The following BRPF3 variants were observed in gnomAD, a reference collection of about 807,000 sequenced individuals.
BRPF3 encodes the protein bromodomain and PHD finger containing 3, also known as bromodomain and PHD finger-containing protein 3.
BRPF3 carries 18 observed loss-of-function variants against 102.0 expected under a neutral mutation model. That is an observed-to-expected ratio of 0.18 (90% CI 0.12 to 0.26). The LOEUF (loss-of-function observed/expected upper bound fraction) is 0.26. Ranked by LOEUF, BRPF3 falls within the 10% of genes least tolerant of loss-of-function variation. The pLI is 1.00. For synonymous variants in BRPF3, 570 were observed against 614.2 expected, an observed-to-expected ratio of 0.93 and a Z score of 1.06; for missense variants, 1,147 against 1,567.8, an observed-to-expected ratio of 0.73 and a Z score of 4.53.
At position 36,214,110 on chromosome 6, in the gene BRPF3, A is replaced by G. The variant is rs754371518; in HGVS notation, c.2713A>G (p.Asn905Asp). The part of the protein sequence containing the change: ...LQRLLSDNGI[N>D]RLSLMAPDTP... ...ACGCTTGCTCAGTGACAATGGCATC[A>G]ACAGACTATCCCTCATGGCCCCTGA... The change falls in exon 8 of 13, where the codon AAC becomes GAC. Residue 905 changes from asparagine to aspartate, a missense_variant. By Grantham distance (23) the Asn-to-Asp change is conservative. Around this residue, in one of 11 missense-constraint regions of BRPF3, gnomAD observed 379 missense variants for 426.3 expected, o/e 0.89. Transcript: ENST00000357641. The G allele has an allele frequency of 2.5e-5, 41 of 1,614,112 alleles. No homozygotes were observed. In the South Asian group the frequency reaches 4.1e-4, roughly 16 times the overall value.
At position 36,217,962 on chromosome 6, in the gene BRPF3, C is replaced by G; in HGVS notation, c.3035C>G (p.Ser1012Cys). The G allele has an allele frequency of 2.5e-6, 4 of 1,613,852 alleles. No individual in the cohort carries two copies. Among genetic ancestry groups the G allele is most frequent in the Non-Finnish European group, 2.5e-6 (3 of 1,179,906 alleles). Residue 1012 changes from serine to cysteine, a missense_variant, in exon 9 of 13, where the codon TCT (serine) becomes TGT (cysteine). Physicochemically the swap from Ser to Cys is moderately radical, Grantham distance 112. Transcript: ENST00000357641. ...AAACACACCGAAAGCGGGTCTGACT[C>G]TGAATGTAGTTTGGGTCTCAGTGGT... ...FGKHTESGSD[S>C]ECSLGLSGGL...
Position 36,211,000 on chromosome 6 carries a change from G to A in BRPF3, c.2180-258G>A, listed in dbSNP as rs1277252890. ...ACTCAGGCCAGGGTATTGCCAAGCTGCCTCATGCCTGCTCCATGGAGCCCA... is the reference window on the plus strand; with the variant it reads ...ACTCAGGCCAGGGTATTGCCAAGCTACCTCATGCCTGCTCCATGGAGCCCA... On this transcript the variant is annotated intron_variant, in intron 6 of 12. Coordinates refer to ENST00000357641, the MANE Select transcript of BRPF3 (RefSeq NM_015695.3). The surrounding 1 kb of genome is among the most constrained non-coding windows in gnomAD (Gnocchi z 4.7). Among the ~76,000 whole-genome samples, 1 of 152,240 alleles carries A rather than the reference G, an allele frequency of 6.6e-6. No individual in the cohort carries two copies. The highest frequency in any genetic ancestry group is 1.5e-5 in the Non-Finnish European group (1 of 68,042).
At position 36,209,808 on chromosome 6, in the gene BRPF3, A is replaced by T; in HGVS notation, c.1759A>T (p.Met587Leu). ...REQVKVQQAA[M>L]ELELMPFNVL... ...ACAGGTCAAAGTCCAGCAGGCTGCC[A>T]TGGAGCTGGAGCTGATGCCATTCAA... The change falls in exon 5 of 13, where the codon ATG (methionine) becomes TTG (leucine). Residue 587 changes from methionine (M) to leucine (L), a missense_variant. Transcript: ENST00000357641. The T allele has an allele frequency of 6.2e-7, 1 of 1,614,194 alleles. No homozygotes were observed. Among genetic ancestry groups the T allele is most frequent in the African/African-American group, 1.3e-5 (1 of 75,066 alleles).
At chr6:36,219,128 C>T (rs1768438124) in intron 9 of BRPF3, among the ~76,000 whole-genome samples, 1 of 152,144 alleles carries the variant, frequency 6.6e-6, no homozygotes, top group Admixed American at 6.5e-5. Context: ...CCAAGGCAGA[C>T]TGGGCATGTG....
At chr6:36,225,449 G>C in intron 11 of BRPF3, 85 bp downstream of exon 11, 3 of 1,268,152 alleles carry the variant, frequency 2.4e-6, no homozygotes, top group Non-Finnish European at 3.3e-6. Context: ...GCAGAGTGTG[G>C]TGGGAGTCAG....
At chr6:36,218,102 C>A in intron 9 of BRPF3, 92 bp downstream of exon 9, 1 of 1,075,786 alleles carries the variant, frequency 9.3e-7, no homozygotes, top group Non-Finnish European at 1.4e-6. Context: ...TCCTGCTTAC[C>A]TTTTTCTCTC....
At position 36,201,837 on chromosome 6, in the gene BRPF3, C is replaced by T; in HGVS notation, c.1448+67C>T. 6.6e-7 allele frequency: 1 copy of T among 1,521,776 alleles called. No homozygotes were observed. Among genetic ancestry groups the T allele is most frequent in the Non-Finnish European group, 8.8e-7 (1 of 1,136,968 alleles). 94.3% of individuals were successfully genotyped at this position (1,521,776 alleles called of 1,614,324 possible). On this transcript the variant is annotated intron_variant, in intron 2 of 12. Transcript: ENST00000357641. This position sits in a 1 kb window ranked among gnomAD's most constrained non-coding sequence, Gnocchi z 5.1. ...TTCTTGGGTTGGTGTTGGCCCTGTG[C>T]CAGGCCTTCGCTAAACACAGTTGGA...
intron 10 of BRPF3, among the ~76,000 whole-genome samples, chr6:36,224,076 G>A (rs1768645778): frequency 1.3e-5 from 2 of 152,276 alleles, no homozygotes; most frequent in Non-Finnish European, 2.9e-5. Context: ...AAAATTACAA[G>A]TGGAGTTAAG....
At position 36,213,907 on chromosome 6, in the gene BRPF3, C is replaced by T. The variant is rs771585055; in HGVS notation, c.2510C>T (p.Thr837Ile). ...RDDSKLPPPPTLEPTGPAPSL... is the reference protein window; with the variant it reads ...RDDSKLPPPPILEPTGPAPSL... ...GACTCCAAACTGCCTCCTCCGCCAA[C>T]CCTGGAGCCCACTGGGCCTGCACCT... Residue 837 changes from threonine (T) to isoleucine (I), a missense_variant, in exon 8 of 13, where the codon ACC becomes ATC. Physicochemically the swap from Thr to Ile is moderately conservative, Grantham distance 89 (BLOSUM62 -1). Coordinates refer to ENST00000357641, the MANE Select transcript of BRPF3 (RefSeq NM_015695.3). 10 of 1,611,292 alleles carry T rather than the reference C, an allele frequency of 6.2e-6. No homozygotes were observed. Among genetic ancestry groups the T allele is most frequent in the South Asian group, 1.1e-5 (1 of 90,922 alleles).
intron 2 of BRPF3, 67 bp from the exon 3 acceptor site, chr6:36,204,591 G>T (rs781131519): frequency 6.4e-7 from 1 of 1,574,680 alleles, no homozygotes; most frequent in Non-Finnish European, 8.7e-7. Context: ...GTCTGGATAG[G>T]ATGCACAGGC....
At position 36,232,418 on chromosome 6, in the gene BRPF3, A is replaced by G. The variant is rs905646598; in HGVS notation, c.*1809A>G. 2.0e-5 allele frequency: 3 copies of G among 152,318 alleles called. No homozygotes were observed. Among genetic ancestry groups the G allele is most frequent in the Admixed American group, 1.3e-4 (2 of 15,270 alleles). 9.4% of individuals were successfully genotyped at this position (152,318 alleles called of 1,614,324 possible). A position where few individuals can be genotyped will look rare whatever the true frequency, so the allele number is the denominator to read the frequency against. On this transcript the variant is annotated 3_prime_UTR_variant, in exon 13 of 13. Coordinates refer to ENST00000357641, the MANE Select transcript of BRPF3 (RefSeq NM_015695.3). The stretch of plus-strand genomic sequence containing the variant: ...AGATCTTGGGACTTCCTCTCTTTCT[A>G]TGTCTATCTCTTCCCCCCAACACTT...
intron 11 of BRPF3, among the ~76,000 whole-genome samples, chr6:36,226,946 G>A (rs1470947874): frequency 6.6e-6 from 1 of 152,238 alleles, no homozygotes; most frequent in Non-Finnish European, 1.5e-5. Flanking sequence ...AAGTGATTAA[G>A]CTGTGCAGGT....
chr6:36,229,648 C>T (rs1561836724), intron 12 of BRPF3, among the ~76,000 whole-genome samples: 2 of 152,196 alleles, frequency 1.3e-5, no homozygotes, highest in African/African-American at 4.8e-5. Context: ...TTATGGTTTA[C>T]AACACTTAAG....
rs777439878 is a variant in BRPF3, at chr6:36,201,728, C to T, written c.1406C>T (p.Ser469Phe). 2.5e-6 allele frequency: 4 copies of T among 1,612,942 alleles called. No individual in the cohort carries two copies. The highest frequency in any genetic ancestry group is 2.2e-5 in the East Asian group (1 of 44,888). The change falls in exon 2 of 13, where the codon TCC becomes TTC. Residue 469 changes from serine (S) to phenylalanine (F), a missense_variant. Around this residue, in one of 11 missense-constraint regions of BRPF3, gnomAD observed 157 missense variants for 163.6 expected, o/e 0.96. Transcript: ENST00000357641. This position sits in a 1 kb window ranked among gnomAD's most constrained non-coding sequence, Gnocchi z 5.1. Reference sequence around the variant, plus strand: ...GAGGAAGCAGGCCAAGACACACCCTCCACTCTCCCCATGCTTGCTGTCCCA... The same window carrying T: ...GAGGAAGCAGGCCAAGACACACCCTTCACTCTCCCCATGCTTGCTGTCCCA... ...EPEEAGQDTP[S>F]TLPMLAVPQI...
At chr6:36,223,337 CA>C (rs538927972) in intron 10 of BRPF3, among the ~76,000 whole-genome samples, 152 of 152,314 alleles carry the variant, frequency 1.0e-3, no homozygotes, top group African/African-American at 3.6e-3. Flanking sequence ...TGTCAGTTCC[CA>C]AAAGGTCAGG....
intron 10 of BRPF3, among the ~76,000 whole-genome samples, chr6:36,223,730 G>A (rs187957884): frequency 6.6e-6 from 1 of 152,214 alleles, no homozygotes; most frequent in Admixed American, 6.5e-5. Flanking sequence ...AGGCATTTGG[G>A]TTGTTTCCGG....
intron 1 of BRPF3, chr6:36,197,686 T>G (rs1767553166): frequency 6.6e-6 from 1 of 151,658 alleles, no homozygotes; most frequent in African/African-American, 2.4e-5. Context: ...GTTGGAGATA[T>G]TTTGGAGGTG....
chr6:36,203,601 G>A (rs1027628902), intron 2 of BRPF3, among the ~76,000 whole-genome samples: 1 of 152,222 alleles, frequency 6.6e-6, no homozygotes, highest in Non-Finnish European at 1.5e-5. Flanking sequence ...TCTGACTGTG[G>A]AGAGGAGCAA....
At chr6:36,223,491 A>G (rs1377782898) in intron 10 of BRPF3, among the ~76,000 whole-genome samples, 2 of 152,212 alleles carry the variant, frequency 1.3e-5, no homozygotes, top group Admixed American at 1.3e-4. Context: ...TTGACCTCCC[A>G]TAGTTCCATC....
Sources: allele counts gnomAD v4.1 joint callset (sites outside exome capture counted in the v4.1 genomes callset), GRCh38; gene constraint gnomAD v4.1.1; regional missense constraint gnomAD v4.1.1; non-coding constraint Gnocchi (gnomAD v3.1); transcripts MANE v1.5; gene names NCBI Gene and HGNC (gene_info 2026-07-23, HGNC 2026-07-21).